KTN1: variants seen among roughly 807,000 people sequenced by gnomAD.
KTN1 encodes the protein kinectin 1.
In KTN1, 130 loss-of-function variants were observed where a neutral mutation model predicts 222.5. The observed-to-expected ratio is 0.58, with a 90% CI of 0.51 to 0.68. The LOEUF is 0.68. Ranked by LOEUF, KTN1 falls within the 30% of genes least tolerant of loss-of-function variation. The pLI is 0.00. For synonymous variants in KTN1, 512 were observed against 496.3 expected, an observed-to-expected ratio of 1.03 and a Z score of -0.42; for missense variants, 1,508 against 1,500.4, an observed-to-expected ratio of 1.01 and a Z score of -0.08.
At chr14:55,581,393 TA>T in intron 1 of KTN1, among the ~76,000 whole-genome samples, 1 of 152,348 alleles carries the variant, frequency 6.6e-6, no homozygotes, top group Non-Finnish European at 1.5e-5. Context: ...CCTTAGCCGC[TA>T]TTTAAGTTAG....
In KTN1 at chr14:55,630,081, A is replaced by G. The variant is rs771758202; in HGVS notation, c.1205A>G (p.Gln402Arg). 2 of 1,609,516 alleles carry G rather than the reference A, an allele frequency of 1.2e-6. No individual in the cohort carries two copies. The highest frequency in any genetic ancestry group is 1.3e-5 in the African/African-American group (1 of 74,822). ...ATACATGTCAGTTATCAAGAGACTCAACAGATGCAGATGAAGGTATATTTT... is the reference window on the plus strand; with the variant it reads ...ATACATGTCAGTTATCAAGAGACTCGACAGATGCAGATGAAGGTATATTTT... ...NKIHVSYQET[Q>R]QMQMKFQQVR... The change falls in exon 7 of 44, where the codon CAA becomes CGA. Residue 402 changes from glutamine (Q) to arginine (R), a missense_variant. Physicochemically the swap from Gln to Arg is conservative, Grantham distance 43 (BLOSUM62 1). Transcript: ENST00000395314.
intron 1 of KTN1, among the ~76,000 whole-genome samples, chr14:55,594,589 A>G (rs1395794922): frequency 2.0e-5 from 3 of 151,914 alleles, no homozygotes; most frequent in South Asian, 4.2e-4. Flanking sequence ...TTGAAAATCA[A>G]ATATCCAATG....
At position 55,639,242 on chromosome 14, in the gene KTN1, C is replaced by T. The variant is rs1236135670; in HGVS notation, c.1823+20C>T. Reference sequence around the variant, plus strand: ...TAAAGTGTAAGCCTACCTTTTCACACTCTTATAATTGTGTAGTCACCACTA... The same window carrying T: ...TAAAGTGTAAGCCTACCTTTTCACATTCTTATAATTGTGTAGTCACCACTA... On this transcript the variant is annotated intron_variant, in intron 13 of 43. Transcript: ENST00000395314. 1.7e-5 allele frequency: 26 copies of T among 1,574,054 alleles called. No homozygotes were observed. The highest frequency in any genetic ancestry group is 4.5e-5 in the East Asian group (2 of 44,560).
At chr14:55,637,440 C>A in intron 11 of KTN1, 76 bp downstream of exon 11, 1 of 1,010,620 alleles carries the variant, frequency 9.9e-7, no homozygotes. Context: ...AGAAGAGAGA[C>A]TAAAGTCTAC....
At chr14:55,637,698 G>A (rs1198577600) in intron 11 of KTN1, 81 bp from the exon 12 acceptor site, 5 of 859,416 alleles carry the variant, frequency 5.8e-6, no homozygotes, top group African/African-American at 5.2e-5. Context: ...ATAAACAAAT[G>A]TACCTATAAT....
At chr14:55,632,005 G>T (rs2040589991) in intron 7 of KTN1, among the ~76,000 whole-genome samples, 1 of 152,072 alleles carries the variant, frequency 6.6e-6, no homozygotes, top group South Asian at 2.1e-4. Flanking sequence ...TGCTTTCAGA[G>T]TCCCAGTGTT....
intron 13 of KTN1, among the ~76,000 whole-genome samples, chr14:55,639,435 A>G (rs781731640): frequency 2.0e-5 from 2 of 102,270 alleles, no homozygotes; most frequent in African/African-American, 3.8e-5. Flanking sequence ...GCTTTTATTT[A>G]TGTTTTTATT....
chr14:55,650,317 C>G lies in KTN1; in HGVS notation c.2406-11C>G. ...TTTCTAATCAAATTATACTGCATTT[C>G]TTTATTGAAGGATCCATGAGAAAGA... On this transcript the variant is annotated splice_polypyrimidine_tract_variant and intron_variant, in intron 22 of 43. Transcript: ENST00000395314. 6.4e-7 allele frequency: 1 copy of G among 1,562,614 alleles called. No individual in the cohort carries two copies. The highest frequency in any genetic ancestry group is 8.7e-7 in the Non-Finnish European group (1 of 1,151,582).
intron 6 of KTN1, among the ~76,000 whole-genome samples, chr14:55,629,622 T>C (rs957777415): frequency 2.5e-4 from 38 of 152,118 alleles, no homozygotes; most frequent in Admixed American, 2.4e-3. Flanking sequence ...GAATGAACTG[T>C]TGTGCTTTAA....
At chr14:55,632,688 TTTATG>T (rs1379312915) in intron 7 of KTN1, among the ~76,000 whole-genome samples, 1 of 152,164 alleles carries the variant, frequency 6.6e-6, no homozygotes, top group Non-Finnish European at 1.5e-5. Context: ...AATGGTACGT[TTTATG>T]TTATATGTAT....
chr14:55,595,882 C>T (rs533743481), intron 1 of KTN1, among the ~76,000 whole-genome samples: 12 of 152,066 alleles, frequency 7.9e-5, no homozygotes, highest in African/African-American at 2.2e-4. Context: ...CGGCTGGGCG[C>T]GGTGGCTCAC....
At chr14:55,607,328 A>C (rs1490379014) in intron 1 of KTN1, 2 of 152,154 alleles carry the variant, frequency 1.3e-5, no homozygotes, top group Non-Finnish European at 2.9e-5. Flanking sequence ...GTGTTAACTT[A>C]TTATAATTTT....
intron 1 of KTN1, among the ~76,000 whole-genome samples, chr14:55,596,154 C>CAAAAAAAAAA (rs71448460): frequency 6.5e-5 from 4 of 61,130 alleles, no homozygotes; most frequent in Non-Finnish European, 1.2e-4. Context: ...GACTCAATAG[C>CAAAAAAAAAA]AAAAAAAAAA....
intron 43 of KTN1, chr14:55,679,987 T>G (rs1450516325): frequency 9.7e-6 from 3 of 307,732 alleles, no homozygotes; most frequent in Non-Finnish European, 1.8e-5. Context: ...GCTTCGTTAA[T>G]TTATTCTGTT....
At chr14:55,613,491 ATT>A (rs57451000) in intron 2 of KTN1, among the ~76,000 whole-genome samples, 75 of 129,156 alleles carry the variant, frequency 5.8e-4, no homozygotes, top group Non-Finnish European at 4.9e-4. Context: ...GTTATATTTG[ATT>A]TTTTTTTTTT....
chr14:55,617,441 T>C (rs765923357), intron 3 of KTN1, among the ~76,000 whole-genome samples: 20 of 152,154 alleles, frequency 1.3e-4, no homozygotes, highest in Non-Finnish European at 2.6e-4. Context: ...ACTTTTAATG[T>C]ATTTTGGAAG....
chr14:55,662,885 T>C (rs1316049654), intron 32 of KTN1: 1 of 455,940 alleles, frequency 2.2e-6, no homozygotes, highest in African/African-American at 2.0e-5. Context: ...TGTGTTTTAT[T>C]ATTGGACTTC....
At chr14:55,591,581 C>CTTT (rs71131297) in intron 1 of KTN1, among the ~76,000 whole-genome samples, 387 of 87,578 alleles carry the variant, frequency 4.4e-3, no homozygotes, top group East Asian at 9.0e-3. Flanking sequence ...TTCTCTCTTT[C>CTTT]TTTTTTTTTT....
chr14:55,643,297 C>A (rs2041980809), intron 18 of KTN1, among the ~76,000 whole-genome samples: 2 of 152,168 alleles, frequency 1.3e-5, no homozygotes, highest in Admixed American at 6.6e-5. Context: ...CCCCCACCCT[C>A]CCTTACCATC....
Sources: allele counts gnomAD v4.1 joint callset (sites outside exome capture counted in the v4.1 genomes callset), GRCh38; gene constraint gnomAD v4.1.1; transcripts MANE v1.5; gene names NCBI Gene and HGNC (gene_info 2026-07-23, HGNC 2026-07-21).